Variants in CSMD1 observed in about 807,000 individuals in gnomAD.
CSMD1 encodes the protein CUB and sushi domain-containing protein 1.
CSMD1 carries 213 observed loss-of-function variants against 417.5 expected under a neutral mutation model. The ratio of observed to expected loss-of-function variants is 0.51; its 90% CI spans 0.46 to 0.57. The LOEUF is 0.57. Among genes scored for constraint, CSMD1 ranks in the 20% least tolerant of loss-of-function variants. The probability of loss-of-function intolerance (pLI) is 0.00; values close to 1 mark genes in which losing one functional copy is unlikely to be tolerated. For missense variants in CSMD1, 6,923 were observed against 4,529.7 expected, an observed-to-expected ratio of 1.53 and a Z score of -15.17; for synonymous variants, 2,862 against 1,736.8, an observed-to-expected ratio of 1.65 and a Z score of -16.11.
At position 4,420,009 on chromosome 8, in the gene CSMD1, A is replaced by C; in HGVS notation, c.359T>G (p.Leu120Arg). Residue 120 changes from leucine to arginine, a missense_variant, in exon 3 of 70, where the codon CTG becomes CGG. Physicochemically the swap from Leu to Arg is moderately radical, Grantham distance 102. Transcript: ENST00000635120. ...SIVSTGSILT[L>R]WFTTDFAVSA... ...CACAGCGAAGTCTGTCGTGAACCAC[A>C]GAGTGAGGATAGATCCTGTACTCAC... 1 of 1,588,538 alleles carries C rather than the reference A, an allele frequency of 6.3e-7. No homozygotes were observed. The highest frequency in any genetic ancestry group is 2.3e-5 in the East Asian group (1 of 43,840).
At chr8:4,404,113 G>A (rs927727775) in intron 3 of CSMD1, among the ~76,000 whole-genome samples, 1 of 152,112 alleles carries the variant, frequency 6.6e-6, no homozygotes, top group African/African-American at 2.4e-5. Context: ...TATTTCTCCA[G>A]AATTCCACGC....
rs529482024 is a variant in CSMD1, at chr8:4,397,626, G to C, written c.415+22327C>G. Among the ~76,000 whole-genome samples the C allele has an allele frequency of 6.7e-5, 9 of 134,540 alleles. No homozygotes were observed. The East Asian group carries it at 1.2e-3, about 18-fold the overall frequency. The allele number at this position is 134,540 out of a possible 152,430, so 88.3% of individuals were successfully genotyped here. On this transcript the variant is annotated intron_variant, in intron 3 of 69. Coordinates refer to ENST00000635120, the MANE Select transcript of CSMD1 (RefSeq NM_033225.6). ...TTCACTTTTATTTGCTAATGAAACA[G>C]ACAATATGCATCACTTGTTCTAAGA... is the stretch of plus-strand genomic sequence containing the variant.
intron 5 of CSMD1, among the ~76,000 whole-genome samples, chr8:3,867,381 C>T (rs557194506): frequency 6.6e-6 from 1 of 152,036 alleles, no homozygotes; most frequent in South Asian, 2.1e-4. Flanking sequence ...TTATAATACC[C>T]CAAATTTCCA....
intron 42 of CSMD1, among the ~76,000 whole-genome samples, chr8:3,111,615 T>C (rs981593152): frequency 2.6e-5 from 4 of 152,088 alleles, no homozygotes; most frequent in African/African-American, 9.7e-5. Context: ...GTGGATCACC[T>C]GAGGTCAGGA....
At chr8:4,027,151 G>A (rs1195581942) in intron 4 of CSMD1, among the ~76,000 whole-genome samples, 2 of 152,156 alleles carry the variant, frequency 1.3e-5, no homozygotes, top group Admixed American at 6.5e-5. Context: ...ACTACCAGGT[G>A]GAATTGCACC....
At chr8:4,288,238 G>C (rs1797168576) in intron 3 of CSMD1, among the ~76,000 whole-genome samples, 1 of 152,118 alleles carries the variant, frequency 6.6e-6, no homozygotes, top group African/African-American at 2.4e-5. Context: ...GCAGTGCTGG[G>C]TGCCTTCATG....
chr8:4,279,508 C>G (rs373484256), intron 3 of CSMD1, among the ~76,000 whole-genome samples: 1 of 152,104 alleles, frequency 6.6e-6, no homozygotes, highest in Admixed American at 6.6e-5. Context: ...CTTTATTACT[C>G]AATGTCAATA....
chr8:3,156,581 C>G (rs749206947), intron 39 of CSMD1, among the ~76,000 whole-genome samples: 47 of 152,090 alleles, frequency 3.1e-4, no homozygotes, highest in African/African-American at 1.1e-3. Context: ...GCTCAGAGAG[C>G]ATTGAGGAGG....
At chr8:3,923,647 A>T (rs1266138576) in intron 5 of CSMD1, among the ~76,000 whole-genome samples, 1 of 152,172 alleles carries the variant, frequency 6.6e-6, no homozygotes, top group Non-Finnish European at 1.5e-5. Flanking sequence ...ACTCTCTTAG[A>T]AATTTTCAAA....
intron 49 of CSMD1, among the ~76,000 whole-genome samples, chr8:3,075,579 C>G (rs1021054339): frequency 1.3e-5 from 2 of 152,040 alleles, no homozygotes; most frequent in African/African-American, 4.8e-5. Context: ...CCATGCCAGG[C>G]TAGCCTCATG....
intron 11 of CSMD1, among the ~76,000 whole-genome samples, chr8:3,485,336 G>A (rs1053542384): frequency 2.0e-5 from 3 of 152,104 alleles, no homozygotes; most frequent in African/African-American, 4.8e-5. Flanking sequence ...TTCTTGCAAT[G>A]ACAAATTTTT....
At chr8:4,627,044 T>G (rs1159953796) in intron 2 of CSMD1, among the ~76,000 whole-genome samples, 2 of 152,206 alleles carry the variant, frequency 1.3e-5, no homozygotes, top group Non-Finnish European at 2.9e-5. Context: ...TTTTAAATTT[T>G]GGGAATTAAA....
intron 46 of CSMD1, among the ~76,000 whole-genome samples, chr8:3,100,758 C>A (rs760924631): frequency 6.6e-6 from 1 of 152,164 alleles, no homozygotes; most frequent in Non-Finnish European, 1.5e-5. Context: ...TTCAGCAAAA[C>A]TAATAGCAGA....
intron 3 of CSMD1, among the ~76,000 whole-genome samples, chr8:4,142,785 A>C (rs1803869764): frequency 6.6e-6 from 1 of 151,130 alleles, no homozygotes; most frequent in South Asian, 2.1e-4. Context: ...AACAGGCTTC[A>C]ACAAAGTCTC....
At chr8:3,299,527 C>G (rs1039424284) in intron 25 of CSMD1, among the ~76,000 whole-genome samples, 1 of 151,596 alleles carries the variant, frequency 6.6e-6, no homozygotes, top group Non-Finnish European at 1.5e-5. Context: ...TGAGGAAAAG[C>G]ACACATCCTC....
At position 3,142,688 on chromosome 8, in the gene CSMD1, T is replaced by C. The variant is rs372279946; in HGVS notation, c.6032-14A>G. ...GAATATGTGCACCTATGGAAAAACA[T>C]GCAAACTTAATGAAAGTTCATATCA... is the stretch of plus-strand genomic sequence containing the variant. On this transcript the variant is annotated splice_polypyrimidine_tract_variant and intron_variant, in intron 40 of 69. Transcript: ENST00000635120. 3.1e-6 allele frequency: 5 copies of C among 1,589,900 alleles called. No homozygotes were observed. The highest frequency in any genetic ancestry group is 4.3e-6 in the Non-Finnish European group (5 of 1,158,284).
intron 1 of CSMD1, among the ~76,000 whole-genome samples, chr8:4,680,740 C>A (rs1436934523): frequency 6.6e-6 from 1 of 151,998 alleles, no homozygotes; most frequent in African/African-American, 2.4e-5. Context: ...CCACCACACC[C>A]AGCTATTTTT....
intron 2 of CSMD1, among the ~76,000 whole-genome samples, chr8:4,463,068 TA>T (rs1799935238): frequency 6.6e-6 from 1 of 152,156 alleles, no homozygotes; most frequent in Non-Finnish European, 1.5e-5. Flanking sequence ...GCATCTGGAA[TA>T]CATAAAGATC....
chr8:4,581,406 C>A (rs931905599), intron 2 of CSMD1, among the ~76,000 whole-genome samples: 85 of 152,190 alleles, frequency 5.6e-4, no homozygotes, highest in African/African-American at 2.0e-3. Context: ...GATATGACTC[C>A]AATTTTTATC....
Sources: gnomAD v4.1 joint callset for allele counts (sites outside exome capture counted in the v4.1 genomes callset) on GRCh38, gnomAD v4.1.1 for gene constraint, MANE v1.5 for transcripts, NCBI Gene and HGNC (gene_info 2026-07-23, HGNC 2026-07-21) for gene names.